The following L3MBTL2 variants were observed in gnomAD, a reference collection of about 807,000 sequenced individuals.
L3MBTL2 encodes lethal(3)malignant brain tumor-like protein 2.
In L3MBTL2, 49 loss-of-function variants were observed where a neutral mutation model predicts 86.4. That is an observed-to-expected ratio of 0.57 (90% CI 0.45 to 0.72). The LOEUF is 0.72. Ranked by LOEUF, L3MBTL2 falls within the 30% of genes least tolerant of loss-of-function variation. The pLI, the probability that L3MBTL2 is intolerant of heterozygous loss-of-function variation, is 0.00. For synonymous variants in L3MBTL2, 336 were observed against 350.6 expected (o/e 0.96, Z 0.47); for missense variants, 755 against 923.7 (o/e 0.82, Z 2.37).
chr22:41,216,021 C>A, intron 3 of L3MBTL2, 118 bp from the exon 4 acceptor site: 1 of 1,148,930 alleles, frequency 8.7e-7, no homozygotes, highest in Non-Finnish European at 1.2e-6. Flanking sequence ...CATGAAGAAA[C>A]TGAAGCCCAA....
intron 4 of L3MBTL2, 41 bp from the exon 5 acceptor site, chr22:41,217,082 T>C: frequency 6.4e-7 from 1 of 1,556,612 alleles, no homozygotes. Flanking sequence ...GAGTGGCTGC[T>C]GCGCAGGCTC....
intron 2 of L3MBTL2, among the ~76,000 whole-genome samples, chr22:41,212,558 CGG>C (rs1320113795): frequency 6.6e-6 from 1 of 151,864 alleles, no homozygotes; most frequent in Non-Finnish European, 1.5e-5. Context: ...CCACCGCGCC[CGG>C]CCATCTCAGG....
rs375486977 is a variant in L3MBTL2, at chr22:41,205,347, G to A, written c.-16G>A. 8 of 1,614,090 alleles carry A rather than the reference G, an allele frequency of 5.0e-6. No homozygotes were observed. The African/African-American group carries it at 8.0e-5, about 16-fold the overall frequency. On this transcript the variant is annotated 5_prime_UTR_variant, in exon 1 of 17. Transcript: ENST00000216237. Reference sequence around the variant, plus strand: ...GGCTTCCTGCACCTGGTGACGCTTGGCGAAACTGAGGTCTCATGGAGAAGC... The same window carrying A: ...GGCTTCCTGCACCTGGTGACGCTTGACGAAACTGAGGTCTCATGGAGAAGC...
rs2030826928 is a variant in L3MBTL2 at position 41,211,620 on chromosome 22, G to A, written c.262+1687G>A. On this transcript the variant is annotated intron_variant, in intron 2 of 16. Coordinates refer to ENST00000216237, the MANE Select transcript of L3MBTL2 (RefSeq NM_031488.5). ...CACCCAGGCTGGAATGCAGTGACAT[G>A]ATCTTGGCTCACTGCAAGTTCCGCC... 2.1e-5 allele frequency among the ~76,000 whole-genome samples: 3 copies of A among 143,216 alleles called. No homozygotes were observed. The Admixed American group carries it at 2.1e-4, about 10-fold the overall frequency. The allele number at this position is 143,216 out of a possible 152,430, so 94.0% of individuals were successfully genotyped here. A position where few individuals can be genotyped will look rare whatever the true frequency, so the allele number is the denominator to read the frequency against.
intron 8 of L3MBTL2, among the ~76,000 whole-genome samples, chr22:41,223,191 C>T (rs1601527021): frequency 6.6e-6 from 1 of 152,174 alleles, no homozygotes. Flanking sequence ...CTGTTGGCTG[C>T]TTTGTGACCT....
At chr22:41,209,495 AT>A (rs1334452848) in intron 1 of L3MBTL2, 200 bp from the exon 2 acceptor site, 1 of 564,956 alleles carries the variant, frequency 1.8e-6, no homozygotes, top group Non-Finnish European at 3.2e-6. Context: ...CCTAACACAT[AT>A]TTTCTGTCTT....
chr22:41,215,994 G>T, intron 3 of L3MBTL2, 145 bp from the exon 4 acceptor site: 2 of 900,058 alleles, frequency 2.2e-6, no homozygotes, highest in Non-Finnish European at 3.3e-6. Context: ...GATTGTTATT[G>T]TCATCACTGT....
At chr22:41,208,029 AC>A (rs1260956998) in intron 1 of L3MBTL2, among the ~76,000 whole-genome samples, 1 of 151,568 alleles carries the variant, frequency 6.6e-6, no homozygotes, top group Non-Finnish European at 1.5e-5. Flanking sequence ...ATGGGATTTC[AC>A]CATGTTGGCC....
rs1194085901 is a variant in L3MBTL2, at chr22:41,227,153, G to A, written c.1652G>A (p.Arg551Gln). 3.7e-6 allele frequency: 6 copies of A among 1,613,694 alleles called. No individual in the cohort carries two copies. Among genetic ancestry groups the A allele is most frequent in the Non-Finnish European group, 5.1e-6 (6 of 1,180,004 alleles). The change falls in exon 14 of 17, where the codon CGG (arginine) becomes CAG (glutamine). Residue 551 changes from arginine (R) to glutamine (Q), a missense_variant. This residue lies in a region of L3MBTL2 where 634 missense variants were observed against 748.9 expected (regional missense o/e 0.85). Transcript: ENST00000216237. The surrounding 1 kb of genome is among the most constrained non-coding windows in gnomAD (Gnocchi z 6.0). ...GAGGCCGTGGACCTGATGGAGCCCC[G>A]GCTCATCTGTGTGGCCACGGTGAAA... ...KLEAVDLMEP[R>Q]LICVATVKRV...
rs1399268982 is a variant in L3MBTL2, at chr22:41,230,190, A to G, written c.2057A>G (p.Lys686Arg). The G allele has an allele frequency of 1.2e-6, 2 of 1,612,976 alleles. No homozygotes were observed. The highest frequency in any genetic ancestry group is 1.7e-6 in the Non-Finnish European group (2 of 1,179,754). ...CATCTAGACGTGGCCTCGCCCGACAAGGCTTCAAGTCCAGAGCTGCCTGTC... is the reference window on the plus strand; with the variant it reads ...CATCTAGACGTGGCCTCGCCCGACAGGGCTTCAAGTCCAGAGCTGCCTGTC... Reference protein sequence around the residue: ...EEHLDVASPDKASSPELPVSV... With the variant: ...EEHLDVASPDRASSPELPVSV... Residue 686 changes from lysine (K) to arginine (R), a missense_variant, in exon 17 of 17, where the codon AAG (lysine) becomes AGG (arginine). Lys to Arg is a conservative substitution (Grantham distance 26, BLOSUM62 2). Coordinates refer to ENST00000216237, the MANE Select transcript of L3MBTL2 (RefSeq NM_031488.5).
At chr22:41,211,586 T>C (rs1361104195) in intron 2 of L3MBTL2, among the ~76,000 whole-genome samples, 5 of 149,332 alleles carry the variant, frequency 3.3e-5, no homozygotes, top group Admixed American at 2.0e-4. Flanking sequence ...AGACGGAGTC[T>C]TGCTCTGTCA....
chr22:41,222,057 CAT>C (rs2031866236), intron 8 of L3MBTL2, among the ~76,000 whole-genome samples: 1 of 152,090 alleles, frequency 6.6e-6, no homozygotes, highest in African/African-American at 2.4e-5. Flanking sequence ...CACACACCAC[CAT>C]ACTTGGCTAA....
Position 41,224,333 on chromosome 22 carries a change from C to A in L3MBTL2, c.1174+82C>A. The A allele has an allele frequency of 9.2e-7, 1 of 1,089,328 alleles. No individual in the cohort carries two copies. Among genetic ancestry groups the A allele is most frequent in the Non-Finnish European group, 1.3e-6 (1 of 746,024 alleles). The allele number at this position is 1,089,328 out of a possible 1,614,324, so 67.5% of individuals were successfully genotyped here. A position where few individuals can be genotyped will look rare whatever the true frequency, so the allele number is the denominator to read the frequency against. On this transcript the variant is annotated intron_variant, in intron 9 of 16. Transcript: ENST00000216237. This position sits in a 1 kb window ranked among gnomAD's most constrained non-coding sequence, Gnocchi z 4.9. ...GGGAGCACCTTCCTACTCGTCACAGCAGGTCAGCAGGTGGAGGTTGGCATG... is the reference window on the plus strand; with the variant it reads ...GGGAGCACCTTCCTACTCGTCACAGAAGGTCAGCAGGTGGAGGTTGGCATG...
chr22:41,209,635 C>T (rs139438), intron 1 of L3MBTL2, 61 bp from the exon 2 acceptor site: 542,286 of 1,453,432 alleles, frequency 0.37, 104,342 homozygotes, highest in African/African-American at 0.56. Flanking sequence ...TGCAGCTTCT[C>T]CCCCCGTGCA....
intron 15 of L3MBTL2, chr22:41,228,487 C>G: frequency 2.0e-6 from 2 of 985,420 alleles, no homozygotes; most frequent in South Asian, 4.7e-5. Flanking sequence ...GAGGTGGGCT[C>G]CACAGTGTGG....
At chr22:41,221,051 G>A in intron 7 of L3MBTL2, 148 bp from the exon 8 acceptor site, 1 of 921,954 alleles carries the variant, frequency 1.1e-6, no homozygotes, top group Non-Finnish European at 1.6e-6. Context: ...GGAATCTGAT[G>A]TTCTCAGATG....
chr22:41,208,492 C>G (rs753440244), intron 1 of L3MBTL2: 2 of 252,518 alleles, frequency 7.9e-6, no homozygotes, highest in Non-Finnish European at 1.6e-5. Flanking sequence ...TTGCATCTCA[C>G]GAGTCAAATA....
Position 41,224,907 on chromosome 22 carries a change from C to A in L3MBTL2, c.1252-60C>A. 6.4e-7 allele frequency: 1 copy of A among 1,564,368 alleles called. No individual in the cohort carries two copies. The highest frequency in any genetic ancestry group is 8.8e-7 in the Non-Finnish European group (1 of 1,136,674). On this transcript the variant is annotated intron_variant, in intron 10 of 16. Coordinates refer to ENST00000216237, the MANE Select transcript of L3MBTL2 (RefSeq NM_031488.5). The surrounding 1 kb of genome is among the most constrained non-coding windows in gnomAD (Gnocchi z 4.9). ...CCATCCCTTTCCCTCCTGAGGCCTG[C>A]TTCCCTCACCCTTCCTCCTGGCCTG... is the stretch of plus-strand genomic sequence containing the variant.
In L3MBTL2 at chr22:41,225,564, G is replaced by A. The variant is rs963776837; in HGVS notation, c.1357-230G>A. Among the ~76,000 whole-genome samples the A allele has an allele frequency of 3.3e-5, 5 of 152,162 alleles. No homozygotes were observed. Among genetic ancestry groups the A allele is most frequent in the East Asian group, 1.9e-4 (1 of 5,188 alleles). ...GAACACGGTCCAACAGGATGGACGC[G>A]GCCCCTGCTGGCGTGGTGTTTGCTG... On this transcript the variant is annotated intron_variant, in intron 11 of 16. Coordinates refer to ENST00000216237, the MANE Select transcript of L3MBTL2 (RefSeq NM_031488.5). This position sits in a 1 kb window ranked among gnomAD's most constrained non-coding sequence, Gnocchi z 4.1.
Sources: allele counts gnomAD v4.1 joint callset (sites outside exome capture counted in the v4.1 genomes callset), GRCh38; gene constraint gnomAD v4.1.1; regional missense constraint gnomAD v4.1.1; non-coding constraint Gnocchi (gnomAD v3.1); transcripts MANE v1.5; gene names NCBI Gene and HGNC (gene_info 2026-07-23, HGNC 2026-07-21).